BNC2: variants seen among roughly 807,000 people sequenced by gnomAD.
BNC2 encodes zinc finger protein basonuclin-2.
In BNC2, 20 loss-of-function variants were observed where a neutral mutation model predicts 76.3. The ratio of observed to expected loss-of-function variants is 0.26; its 90% CI spans 0.18 to 0.38. The LOEUF is 0.38. BNC2 is among the 10% of genes least tolerant of loss of function. The pLI is 1.00. For missense variants in BNC2, 1,382 were observed against 1,399.8 expected (o/e 0.99, Z 0.20); for synonymous variants, 582 against 514.8 (o/e 1.13, Z -1.77).
intron 5 of BNC2, among the ~76,000 whole-genome samples, chr9:16,457,025 A>T (rs1821466534): frequency 6.6e-6 from 1 of 152,200 alleles, no homozygotes; most frequent in African/African-American, 2.4e-5. Flanking sequence ...AGAGACAAAG[A>T]GAACGAACAT....
Position 16,518,954 on chromosome 9 carries a change from G to T in BNC2, c.669+33576C>A, listed in dbSNP as rs781181835. 2.6e-5 allele frequency among the ~76,000 whole-genome samples: 4 copies of T among 152,260 alleles called. No individual in the cohort carries two copies. The South Asian group carries it at 8.3e-4, about 32-fold the overall frequency. ...AACAAATGTCTTTATCATATAGTTT[G>T]GTGAGTCAAACAAACAAACAAAAAG... On this transcript the variant is annotated intron_variant, in intron 5 of 6. Coordinates refer to ENST00000380672, the MANE Select transcript of BNC2 (RefSeq NM_017637.6).
intron 3 of BNC2, among the ~76,000 whole-genome samples, chr9:16,664,516 G>A (rs1822208091): frequency 6.6e-6 from 1 of 152,120 alleles, no homozygotes. Flanking sequence ...TGGGGACACT[G>A]AAGAGAATTT....
chr9:16,775,935 GC>G (rs1396012606), intron 1 of BNC2: 4 of 152,214 alleles, frequency 2.6e-5, no homozygotes, highest in African/African-American at 9.7e-5. Flanking sequence ...GCAATGTACA[GC>G]GGCGGTGGGC....
intron 5 of BNC2, among the ~76,000 whole-genome samples, chr9:16,449,993 T>C (rs993640122): frequency 6.6e-6 from 1 of 152,214 alleles, no homozygotes; most frequent in Non-Finnish European, 1.5e-5. Context: ...GCCACACTCT[T>C]CAGCTGGCAT....
intron 1 of BNC2, among the ~76,000 whole-genome samples, chr9:16,759,519 C>T (rs1390588947): frequency 6.6e-6 from 1 of 151,946 alleles, no homozygotes; most frequent in Non-Finnish European, 1.5e-5. Flanking sequence ...AGTGTTAAAT[C>T]CCTCAAAATA....
intron 1 of BNC2, among the ~76,000 whole-genome samples, chr9:16,797,376 T>G (rs1470646842): frequency 6.6e-6 from 1 of 152,190 alleles, no homozygotes; most frequent in East Asian, 1.9e-4. Context: ...TACTATAGAT[T>G]TGACATCCCT....
At chr9:16,571,852 T>C (rs1819333295) in intron 4 of BNC2, among the ~76,000 whole-genome samples, 1 of 151,978 alleles carries the variant, frequency 6.6e-6, no homozygotes. Context: ...CATAATAAAA[T>C]ATGAAGAACT....
intron 3 of BNC2, chr9:16,626,017 C>T (rs1238257988): frequency 6.6e-6 from 1 of 152,192 alleles, no homozygotes; most frequent in East Asian, 1.9e-4. Flanking sequence ...ATTAGCATTA[C>T]ATCATCTTCT....
At chr9:16,635,943 G>A (rs962139647) in intron 3 of BNC2, among the ~76,000 whole-genome samples, 2 of 152,142 alleles carry the variant, frequency 1.3e-5, no homozygotes, top group African/African-American at 4.8e-5. Context: ...CAAAAAGTAA[G>A]GGAATGTGTA....
rs1563926879 is a variant in BNC2 at position 16,751,630 on chromosome 9, G to GTATATA, written c.4-13146_4-13145insTATATA. On this transcript the variant is annotated intron_variant, in intron 1 of 6. Coordinates refer to ENST00000380672, the MANE Select transcript of BNC2 (RefSeq NM_017637.6). Reference sequence around the variant, plus strand: ...AATATATATATGTGTATATATATATGTATGTATATATGTATGTGTGTATAT... The same window carrying GTATATA: ...AATATATATATGTGTATATATATATGTATATATATGTATATATGTATGTGTGTATAT... Among the ~76,000 whole-genome samples, 176 of 51,624 alleles carry GTATATA rather than the reference G, an allele frequency of 3.4e-3. 2 individuals carry two copies. Among genetic ancestry groups the GTATATA allele is most frequent in the Middle Eastern group, 7.9e-3 (1 of 126 alleles). The allele number at this position is 51,624 out of a possible 152,430, so 33.9% of individuals were successfully genotyped here.
chr9:16,578,255 T>C (rs911330769), intron 4 of BNC2, among the ~76,000 whole-genome samples: 11 of 152,212 alleles, frequency 7.2e-5, no homozygotes, highest in African/African-American at 2.4e-4. Context: ...TAAAACGCCT[T>C]AGAATTCAGT....
intron 1 of BNC2, among the ~76,000 whole-genome samples, chr9:16,812,011 G>A (rs1818067471): frequency 6.6e-6 from 1 of 152,234 alleles, no homozygotes; most frequent in Admixed American, 6.5e-5. Context: ...AGCTCTGCCT[G>A]CCCACAAGGT....
chr9:16,850,675 G>A (rs1440972272), intron 1 of BNC2, among the ~76,000 whole-genome samples: 4 of 152,162 alleles, frequency 2.6e-5, no homozygotes, highest in Admixed American at 1.3e-4. Context: ...TTGGAGACTA[G>A]CCTGAACAAT....
chr9:16,463,824 G>A lies in BNC2; in HGVS notation c.670-26300C>T, dbSNP rs149015936. Among the ~76,000 whole-genome samples, 509 of 151,882 alleles carry A rather than the reference G, an allele frequency of 3.4e-3. 3 individuals are homozygous for A. Among genetic ancestry groups the A allele is most frequent in the African/African-American group, 0.011 (474 of 41,446 alleles). Reference sequence around the variant, plus strand: ...GTAATCCCAGCACTTTGGGAGGCCCGGTGGCTCATGTCTGTAATCCCAGCA... The same window carrying A: ...GTAATCCCAGCACTTTGGGAGGCCCAGTGGCTCATGTCTGTAATCCCAGCA... On this transcript the variant is annotated intron_variant, in intron 5 of 6. Coordinates refer to ENST00000380672, the MANE Select transcript of BNC2 (RefSeq NM_017637.6).
chr9:16,697,244 G>C (rs1423267986), intron 3 of BNC2, among the ~76,000 whole-genome samples: 1 of 152,134 alleles, frequency 6.6e-6, no homozygotes. Context: ...CGTAGTCCCA[G>C]CTACTCAGGA....
At chr9:16,733,151 T>C (rs1824563288) in intron 2 of BNC2, among the ~76,000 whole-genome samples, 1 of 152,256 alleles carries the variant, frequency 6.6e-6, no homozygotes, top group South Asian at 2.1e-4. Context: ...TCATTTTTCT[T>C]GAGAACAAAG....
chr9:16,654,746 G>T (rs1344723294), intron 3 of BNC2, among the ~76,000 whole-genome samples: 4 of 150,978 alleles, frequency 2.6e-5, no homozygotes, highest in African/African-American at 9.8e-5. Context: ...TGAACCATTA[G>T]CCAAGTCAGA....
At chr9:16,575,452 C>G (rs1305323130) in intron 4 of BNC2, 1 of 985,134 alleles carries the variant, frequency 1.0e-6, no homozygotes, top group African/African-American at 1.7e-5. Context: ...GCAGACAGCC[C>G]AGGACTTTGA....
intron 6 of BNC2, among the ~76,000 whole-genome samples, chr9:16,421,905 G>T (rs1269248097): frequency 6.6e-6 from 1 of 152,004 alleles, no homozygotes; most frequent in African/African-American, 2.4e-5. Flanking sequence ...TTAATTTCAC[G>T]AGCACACATT....
Sources: allele counts gnomAD v4.1 joint callset (sites outside exome capture counted in the v4.1 genomes callset), GRCh38; gene constraint gnomAD v4.1.1; transcripts MANE v1.5; gene names NCBI Gene and HGNC (gene_info 2026-07-23, HGNC 2026-07-21).